SUGCT: variants seen among roughly 807,000 people sequenced by gnomAD.
SUGCT encodes succinyl-CoA:glutarate-CoA transferase.
In SUGCT, 41 loss-of-function variants were observed where a neutral mutation model predicts 55.0. The observed-to-expected ratio is 0.74, with a 90% CI of 0.58 to 0.97. The LOEUF (loss-of-function observed/expected upper bound fraction) is 0.97. Ranked by LOEUF, SUGCT falls within the 50% of genes least tolerant of loss-of-function variation. The probability of loss-of-function intolerance (pLI) is 0.00; values close to 1 mark genes in which losing one functional copy is unlikely to be tolerated. For missense variants in SUGCT, 568 were observed against 547.8 expected (o/e 1.04, Z -0.37); for synonymous variants, 187 against 200.4 (o/e 0.93, Z 0.56).
chr7:40,731,216 C>A (rs181221087), intron 12 of SUGCT, among the ~76,000 whole-genome samples: 19 of 152,132 alleles, frequency 1.2e-4, no homozygotes, highest in African/African-American at 4.1e-4. Flanking sequence ...TATTTCAATT[C>A]ATCTAATTAT....
chr7:41,038,515 A>G, the SUGCT span, among the ~76,000 whole-genome samples: 1 of 152,216 alleles, frequency 6.6e-6, no homozygotes, highest in South Asian at 2.1e-4. Flanking sequence ...CTCTTAATAT[A>G]CCCAGTACCC....
intron 12 of SUGCT, among the ~76,000 whole-genome samples, chr7:40,627,436 G>T (rs1421815799): frequency 6.6e-6 from 1 of 152,100 alleles, no homozygotes; most frequent in Non-Finnish European, 1.5e-5. Context: ...AGAGGCTGAA[G>T]TGAAGTTACA....
At chr7:40,917,238 T>G in the SUGCT span, among the ~76,000 whole-genome samples, 2 of 152,368 alleles carry the variant, frequency 1.3e-5, no homozygotes, top group African/African-American at 4.8e-5. Context: ...TTCTAATCAT[T>G]ATAAAATGAC....
intron 12 of SUGCT, chr7:40,499,103 A>G (rs1241427342): frequency 2.2e-6 from 1 of 456,554 alleles, no homozygotes; most frequent in African/African-American, 2.0e-5. Flanking sequence ...AGATGTGGGA[A>G]CGCACCACTG....
At chr7:40,443,957 C>A (rs997683001) in intron 9 of SUGCT, among the ~76,000 whole-genome samples, 1 of 152,158 alleles carries the variant, frequency 6.6e-6, no homozygotes, top group Non-Finnish European at 1.5e-5. Flanking sequence ...CCAGTTTTCC[C>A]AGCACCATTT....
chr7:40,568,335 G>GCACA (rs145240668), intron 12 of SUGCT, among the ~76,000 whole-genome samples: 4 of 150,388 alleles, frequency 2.7e-5, no homozygotes, highest in Non-Finnish European at 4.5e-5. Context: ...ACACACACAT[G>GCACA]CACACACACA....
intron 12 of SUGCT, among the ~76,000 whole-genome samples, chr7:40,702,394 T>C (rs1189390709): frequency 6.6e-6 from 1 of 152,232 alleles, no homozygotes; most frequent in Non-Finnish European, 1.5e-5. Context: ...ATACACATTT[T>C]CATGTGACTT....
chr7:40,369,896 TC>T (rs1784202457), intron 9 of SUGCT, among the ~76,000 whole-genome samples: 1 of 152,154 alleles, frequency 6.6e-6, no homozygotes, highest in South Asian at 2.1e-4. Flanking sequence ...ATTTCAGGGC[TC>T]TGGCAAGATT....
At chr7:40,763,943 G>T (rs1788657004) in intron 13 of SUGCT, among the ~76,000 whole-genome samples, 1 of 152,126 alleles carries the variant, frequency 6.6e-6, no homozygotes, top group African/African-American at 2.4e-5. Context: ...CGGCTTGCGT[G>T]TTTATATGAA....
At chr7:40,644,227 T>C (rs572313059) in intron 12 of SUGCT, among the ~76,000 whole-genome samples, 14 of 152,338 alleles carry the variant, frequency 9.2e-5, no homozygotes, top group African/African-American at 3.4e-4. Context: ...CAGTTCATTA[T>C]TGATTTCCCC....
intron 9 of SUGCT, among the ~76,000 whole-genome samples, chr7:40,419,274 G>A (rs1393494653): frequency 6.6e-6 from 1 of 152,116 alleles, no homozygotes; most frequent in Non-Finnish European, 1.5e-5. Flanking sequence ...CTAGTGCAAT[G>A]AGAGATCTGA....
chr7:40,806,176 A>G (rs1791079621), intron 13 of SUGCT, among the ~76,000 whole-genome samples: 1 of 152,194 alleles, frequency 6.6e-6, no homozygotes, highest in East Asian at 1.9e-4. Flanking sequence ...CCTGCTTTTA[A>G]AAAGGGGCGA....
chr7:40,517,706 T>A (rs1793318733), intron 12 of SUGCT, among the ~76,000 whole-genome samples: 1 of 152,142 alleles, frequency 6.6e-6, no homozygotes, highest in Non-Finnish European at 1.5e-5. Flanking sequence ...CTTTGCTGTA[T>A]GCTCTGAGGA....
chr7:40,491,875 A>G (rs549702078), intron 11 of SUGCT, among the ~76,000 whole-genome samples: 2 of 152,250 alleles, frequency 1.3e-5, no homozygotes, highest in South Asian at 4.1e-4. Flanking sequence ...CTGTAATCCC[A>G]GCTATCTGGG....
chr7:40,299,200 G>T (rs1794369613), intron 8 of SUGCT, among the ~76,000 whole-genome samples: 1 of 152,134 alleles, frequency 6.6e-6, no homozygotes, highest in South Asian at 2.1e-4. Flanking sequence ...AACTATGCCA[G>T]ACGGGTAATT....
intron 9 of SUGCT, among the ~76,000 whole-genome samples, chr7:40,431,935 G>GT (rs942264790): frequency 7.9e-5 from 12 of 151,984 alleles, no homozygotes; most frequent in African/African-American, 2.2e-4. Context: ...ATCATTGTTG[G>GT]TTTTTTCCCC....
chr7:40,681,224 A>C (rs1375973518), intron 12 of SUGCT, among the ~76,000 whole-genome samples: 2 of 152,114 alleles, frequency 1.3e-5, no homozygotes, highest in Non-Finnish European at 2.9e-5. Flanking sequence ...GAGTTTGGTT[A>C]CCAGAAAAAC....
chr7:40,599,931 G>A (rs77436121), intron 12 of SUGCT, among the ~76,000 whole-genome samples: 3,835 of 152,212 alleles, frequency 0.025, 157 homozygotes, highest in African/African-American at 0.089. Context: ...GTAGGGTGCC[G>A]GGATACCTGC....
chr7:40,713,204 G>C (rs1390893809), intron 12 of SUGCT, among the ~76,000 whole-genome samples: 1 of 152,196 alleles, frequency 6.6e-6, no homozygotes, highest in Non-Finnish European at 1.5e-5. Context: ...GCACTGTGTA[G>C]TCTGGTGTAG....
Sources: allele counts gnomAD v4.1 joint callset (sites outside exome capture counted in the v4.1 genomes callset), GRCh38; gene constraint gnomAD v4.1.1; transcripts MANE v1.5; gene names NCBI Gene and HGNC (gene_info 2026-07-23, HGNC 2026-07-21).